Variants in ALPK1 observed in about 807,000 individuals in gnomAD.
ALPK1 encodes the protein alpha-protein kinase 1.
Under a neutral mutation model 120.6 loss-of-function variants are expected in ALPK1, and 110 were observed. That is an observed-to-expected ratio of 0.91 (90% CI 0.78 to 1.07). The LOEUF is 1.07. Among genes scored for constraint, ALPK1 ranks in the 50% least tolerant of loss-of-function variants. ALPK1 has a pLI of 0.00. For missense variants in ALPK1, 1,498 were observed against 1,483.9 expected, an observed-to-expected ratio of 1.01 and a Z score of -0.16; for synonymous variants, 582 against 560.3, an observed-to-expected ratio of 1.04 and a Z score of -0.55.
At chr4:112,359,944 G>A (rs142634775) in intron 2 of ALPK1, 1 of 169,290 alleles carries the variant, frequency 5.9e-6, no homozygotes, top group African/African-American at 2.4e-5. Flanking sequence ...TTAGCAATTT[G>A]CAAGCATACA....
At chr4:112,380,830 C>T (rs1043227053) in intron 3 of ALPK1, among the ~76,000 whole-genome samples, 2 of 152,168 alleles carry the variant, frequency 1.3e-5, no homozygotes, top group East Asian at 3.9e-4. Context: ...AGGGAGATAG[C>T]AGTCCAGTGA....
Position 112,439,710 on chromosome 4 carries a change from G to A in ALPK1, c.3376G>A (p.Gly1126Arg), listed in dbSNP as rs775422043. 2 of 1,608,458 alleles carry A rather than the reference G, an allele frequency of 1.2e-6. No homozygotes were observed. The highest frequency in any genetic ancestry group is 2.2e-5 in the East Asian group (1 of 44,716). The part of the protein sequence containing the change: ...LLILEDKTIK[G>R]CISVEPYILG... ...GATTTTAGAGGACAAGACAATAAAG[G>A]GATGTATCAGTGTGGAGCCTTACAT... Residue 1126 changes from glycine to arginine, a missense_variant, in exon 14 of 16, where the codon GGA becomes AGA. By Grantham distance (125) the Gly-to-Arg change is moderately radical. Coordinates refer to ENST00000650871, the MANE Select transcript of ALPK1 (RefSeq NM_025144.4).
chr4:112,390,735 G>A (rs1732377894), intron 4 of ALPK1, among the ~76,000 whole-genome samples: 1 of 152,210 alleles, frequency 6.6e-6, no homozygotes, highest in Non-Finnish European at 1.5e-5. Context: ...AATTGTCTAG[G>A]TACTGGTCAG....
At chr4:112,396,904 A>G (rs1244122714) in intron 4 of ALPK1, among the ~76,000 whole-genome samples, 2 of 152,064 alleles carry the variant, frequency 1.3e-5, no homozygotes, top group Non-Finnish European at 2.9e-5. Flanking sequence ...CAGCTTCCCA[A>G]GTAACTGGAA....
At chr4:112,375,180 C>CTTT (rs200078535) in intron 2 of ALPK1, among the ~76,000 whole-genome samples, 3 of 127,348 alleles carry the variant, frequency 2.4e-5, no homozygotes, top group Non-Finnish European at 3.2e-5. Context: ...TGATGTTTTT[C>CTTT]TTTTTTTTTT....
intron 5 of ALPK1, among the ~76,000 whole-genome samples, chr4:112,420,116 C>T (rs141415081): frequency 1.3e-5 from 2 of 152,318 alleles, no homozygotes; most frequent in East Asian, 3.9e-4. Flanking sequence ...GTTAGAGGTA[C>T]ATGGGACAGG....
chr4:112,429,712 T>C (rs12640625), intron 10 of ALPK1, among the ~76,000 whole-genome samples: 86,257 of 151,368 alleles, frequency 0.57, 24,761 homozygotes, highest in East Asian at 0.8. Flanking sequence ...TGGTGGTACG[T>C]GCCTATAGTC....
At chr4:112,360,265 T>A (rs765395621) in intron 2 of ALPK1, among the ~76,000 whole-genome samples, 2 of 152,180 alleles carry the variant, frequency 1.3e-5, no homozygotes, top group Non-Finnish European at 2.9e-5. Context: ...CCTTCTATTT[T>A]AAGGCTGAGT....
chr4:112,377,736 G>T lies in ALPK1; in HGVS notation c.-42G>T. 2.0e-6 allele frequency: 3 copies of T among 1,497,748 alleles called. No individual in the cohort carries two copies. In the South Asian group the frequency reaches 4.1e-5, roughly 21 times the overall value. 92.8% of individuals were successfully genotyped at this position (1,497,748 alleles called of 1,614,324 possible). ...AATCAATGTCTTCTCCTAGGTAATT[G>T]ATCACCCTAGACCCAGGGACACCCA... On this transcript the variant is annotated 5_prime_UTR_variant, in exon 3 of 16. Transcript: ENST00000650871.
chr4:112,433,278 T>A (rs1456543511), intron 11 of ALPK1, among the ~76,000 whole-genome samples: 1 of 152,198 alleles, frequency 6.6e-6, no homozygotes, highest in Non-Finnish European at 1.5e-5. Context: ...AGGATGAAGG[T>A]ACTGCTTTCT....
intron 2 of ALPK1, among the ~76,000 whole-genome samples, chr4:112,375,083 T>C (rs1351029280): frequency 6.6e-6 from 1 of 152,222 alleles, no homozygotes; most frequent in Non-Finnish European, 1.5e-5. Context: ...CCTCTAGATA[T>C]GAAAGTCCTA....
At position 112,438,698 on chromosome 4, in the gene ALPK1, T is replaced by C; in HGVS notation, c.3351+52T>C. 2.5e-6 allele frequency: 4 copies of C among 1,571,794 alleles called. No individual in the cohort carries two copies. In the South Asian group the frequency reaches 4.6e-5, roughly 18 times the overall value. On this transcript the variant is annotated intron_variant, in intron 13 of 15. Coordinates refer to ENST00000650871, the MANE Select transcript of ALPK1 (RefSeq NM_025144.4). The stretch of plus-strand genomic sequence containing the variant: ...GGATCTTCCAAATCACACTTGAATA[T>C]CAATTAATCTGAGTATCTGGTTCCA...
chr4:112,432,589 C>T lies in ALPK1; in HGVS notation c.3034+8C>T, dbSNP rs777436442. ...AACTCCACCGAGCACATAGTAAGTACAATCTTTTCAATAGTTCCCCCCTCA... is the reference window on the plus strand; with the variant it reads ...AACTCCACCGAGCACATAGTAAGTATAATCTTTTCAATAGTTCCCCCCTCA... On this transcript the variant is annotated splice_region_variant and intron_variant, in intron 11 of 15. Coordinates refer to ENST00000650871, the MANE Select transcript of ALPK1 (RefSeq NM_025144.4). The T allele has an allele frequency of 1.9e-6, 3 of 1,603,638 alleles. 1 individual carries two copies. The South Asian group carries it at 3.3e-5, about 18-fold the overall frequency.
chr4:112,434,928 G>C (rs1412423090), intron 11 of ALPK1, among the ~76,000 whole-genome samples: 1 of 152,066 alleles, frequency 6.6e-6, no homozygotes, highest in African/African-American at 2.4e-5. Flanking sequence ...TGACTCAAAG[G>C]CTATTCCTCA....
chr4:112,382,574 G>C (rs761066168), intron 4 of ALPK1, 22 bp downstream of exon 4: 23 of 1,613,982 alleles, frequency 1.4e-5, no homozygotes, highest in Non-Finnish European at 1.7e-5. Context: ...CACACCACCT[G>C]TTCCTCTGAT....
intron 4 of ALPK1, among the ~76,000 whole-genome samples, chr4:112,391,570 C>T (rs1292693172): frequency 6.6e-6 from 1 of 152,096 alleles, no homozygotes; most frequent in Non-Finnish European, 1.5e-5. Context: ...AGGGTGAGCC[C>T]TTAAGCCAGT....
chr4:112,345,339 A>T (rs1730056729), intron 2 of ALPK1, among the ~76,000 whole-genome samples: 1 of 152,240 alleles, frequency 6.6e-6, no homozygotes, highest in Non-Finnish European at 1.5e-5. Flanking sequence ...GAGGCACAGT[A>T]ACCTAGAAGC....
chr4:112,429,834 T>C (rs1193866735), intron 10 of ALPK1, among the ~76,000 whole-genome samples: 6 of 75,730 alleles, frequency 7.9e-5, no homozygotes, highest in African/African-American at 3.8e-4. Context: ...AGCAAGACCC[T>C]ACCTCAAAAA....
chr4:112,421,835 T>A (rs1734006775), intron 5 of ALPK1, among the ~76,000 whole-genome samples: 1 of 152,210 alleles, frequency 6.6e-6, no homozygotes, highest in South Asian at 2.1e-4. Flanking sequence ...GGATAGAGGA[T>A]GCATCCTTAC....
Sources: gnomAD v4.1 joint callset for allele counts (sites outside exome capture counted in the v4.1 genomes callset) on GRCh38, gnomAD v4.1.1 for gene constraint, MANE v1.5 for transcripts, NCBI Gene and HGNC (gene_info 2026-07-23, HGNC 2026-07-21) for gene names.